The following USH2A variants were observed in gnomAD, a reference collection of about 807,000 sequenced individuals.
USH2A encodes Usher syndrome 2A (autosomal recessive, mild).
In USH2A, 443 loss-of-function variants were observed where a neutral mutation model predicts 538.9. That is an observed-to-expected ratio of 0.82 (90% CI 0.76 to 0.89). USH2A has a LOEUF of 0.89. USH2A is among the 40% of genes least tolerant of loss of function. USH2A has a pLI of 0.00. For missense variants in USH2A, 6,633 were observed against 6,324.8 expected (o/e 1.05, Z -1.65); for synonymous variants, 2,413 against 2,273.5 (o/e 1.06, Z -1.75).
At chr1:216,418,425 G>C in intron 3 of USH2A, 89 bp downstream of exon 3, 1 of 1,469,510 alleles carries the variant, frequency 6.8e-7, no homozygotes, top group Non-Finnish European at 9.4e-7. Context: ...TACTGCTGCA[G>C]ATTTTGTGAG....
chr1:216,086,698 A>G (rs982392122), intron 24 of USH2A, 21 bp downstream of exon 24: 7 of 1,558,892 alleles, frequency 4.5e-6, no homozygotes, highest in Non-Finnish European at 5.3e-6. Context: ...GACAACATAT[A>G]ATATACCTTA....
intron 2 of USH2A, among the ~76,000 whole-genome samples, chr1:216,419,951 T>C (rs1015101391): frequency 2.6e-5 from 4 of 152,250 alleles, no homozygotes; most frequent in East Asian, 3.9e-4. Context: ...ATATTTTGTA[T>C]GTATATTTGG....
intron 3 of USH2A, among the ~76,000 whole-genome samples, chr1:216,378,289 T>C: frequency 6.6e-6 from 1 of 152,164 alleles, no homozygotes; most frequent in East Asian, 1.9e-4. Context: ...TTCTGTCACA[T>C]AATACTGTTC....
At chr1:215,863,122 G>A (rs192011248) in intron 44 of USH2A, among the ~76,000 whole-genome samples, 5 of 152,226 alleles carry the variant, frequency 3.3e-5, no homozygotes, top group African/African-American at 1.2e-4. Context: ...AGTCAGTAAG[G>A]GATCATTCAC....
chr1:216,050,570 T>TC (rs1558231694), intron 30 of USH2A, among the ~76,000 whole-genome samples: 1 of 39,630 alleles, frequency 2.5e-5, no homozygotes, highest in African/African-American at 8.7e-5. Context: ...TTTTCTTTCT[T>TC]TCTTTCTTTC....
rs2032021495 is a variant in USH2A at position 216,083,604 on chromosome 1, T to C, written c.5168-18A>G. On this transcript the variant is annotated intron_variant, in intron 25 of 71. Coordinates refer to ENST00000307340, the MANE Select transcript of USH2A (RefSeq NM_206933.4). ...CAGGAACCCTTTAAAGATAAAAATA[T>C]GTACATATTAGCATGTGTAACACAA... 1 of 1,610,520 alleles carries C rather than the reference T, an allele frequency of 6.2e-7. No individual in the cohort carries two copies. Among genetic ancestry groups the C allele is most frequent in the Non-Finnish European group, 8.5e-7 (1 of 1,177,960 alleles).
chr1:216,334,598 G>A lies in USH2A; in HGVS notation c.785-6944C>T, dbSNP rs553476708. On this transcript the variant is annotated intron_variant, in intron 4 of 71. Coordinates refer to ENST00000307340, the MANE Select transcript of USH2A (RefSeq NM_206933.4). Reference sequence around the variant, plus strand: ...TCTGCAAGAGACAAACTCTACATTCGAGGAAACAAATAGATTGAATGTTCA... The same window carrying A: ...TCTGCAAGAGACAAACTCTACATTCAAGGAAACAAATAGATTGAATGTTCA... Among the ~76,000 whole-genome samples, 9 of 151,902 alleles carry A rather than the reference G, an allele frequency of 5.9e-5. No individual in the cohort carries two copies. In the South Asian group the frequency reaches 8.3e-4, roughly 14 times the overall value.
intron 20 of USH2A, among the ~76,000 whole-genome samples, chr1:216,179,243 C>CGTTT (rs2034446413): frequency 6.6e-6 from 1 of 151,930 alleles, no homozygotes; most frequent in African/African-American, 2.4e-5. Context: ...CAAAACTAAA[C>CGTTT]AAAAGGAATT....
chr1:215,705,026 A>G (rs1659146825), intron 61 of USH2A, among the ~76,000 whole-genome samples: 2 of 152,332 alleles, frequency 1.3e-5, no homozygotes, highest in South Asian at 4.1e-4. Flanking sequence ...ATTTAAATAC[A>G]TTATCTTATT....
At chr1:216,064,055 G>A (rs767554535) in intron 30 of USH2A, among the ~76,000 whole-genome samples, 1 of 152,202 alleles carries the variant, frequency 6.6e-6, no homozygotes, top group Non-Finnish European at 1.5e-5. Flanking sequence ...AACATTGTAA[G>A]GAGCACCGCC....
At chr1:215,689,046 A>G (rs1658519810) in intron 61 of USH2A, among the ~76,000 whole-genome samples, 1 of 152,186 alleles carries the variant, frequency 6.6e-6, no homozygotes, top group African/African-American at 2.4e-5. Context: ...CAAGGGAAAG[A>G]GAGGAATGAA....
At chr1:216,024,794 C>A (rs1157295401) in intron 32 of USH2A, among the ~76,000 whole-genome samples, 2 of 151,950 alleles carry the variant, frequency 1.3e-5, no homozygotes, top group African/African-American at 4.8e-5. Flanking sequence ...GAATTATACA[C>A]TGTTCTGGGT....
At chr1:215,971,647 A>G (rs1406248523) in intron 35 of USH2A, among the ~76,000 whole-genome samples, 1 of 152,138 alleles carries the variant, frequency 6.6e-6, no homozygotes, top group East Asian at 1.9e-4. Flanking sequence ...GAGGGCAAAG[A>G]GAAGAAGTTG....
At chr1:216,388,127 T>A (rs1317206561) in intron 3 of USH2A, among the ~76,000 whole-genome samples, 1 of 152,222 alleles carries the variant, frequency 6.6e-6, no homozygotes, top group African/African-American at 2.4e-5. Context: ...CAGACTTCCA[T>A]ACATTTCACT....
Position 216,284,581 on chromosome 1 carries a change from G to T in USH2A, c.1971+4699C>A, listed in dbSNP as rs2036845944. ...GAGAATGGACTAATACAATAAATCAGTACTGGGTAGTGGGGCGCTGCTGTA... is the reference window on the plus strand; with the variant it reads ...GAGAATGGACTAATACAATAAATCATTACTGGGTAGTGGGGCGCTGCTGTA... On this transcript the variant is annotated intron_variant, in intron 11 of 71. Coordinates refer to ENST00000307340, the MANE Select transcript of USH2A (RefSeq NM_206933.4). 2.0e-5 allele frequency among the ~76,000 whole-genome samples: 3 copies of T among 152,148 alleles called. No homozygotes were observed. The South Asian group carries it at 6.2e-4, about 32-fold the overall frequency.
chr1:215,674,105 A>G lies in USH2A; in HGVS notation c.13806T>C (p.Phe4602=), dbSNP rs1420306485. The part of the protein sequence containing the change: ...QSYIVNQLKP[F]HRYEIRIQAC... ...ACCGAGACATGGCTACCTACCTGTGAAATGGCTTCAGCTGGTTTACTATAT... is the reference window on the plus strand; with the variant it reads ...ACCGAGACATGGCTACCTACCTGTGGAATGGCTTCAGCTGGTTTACTATAT... Residue 4602 remains phenylalanine (F), a synonymous_variant, in exon 63 of 72, where the codon TTT becomes TTC. Transcript: ENST00000307340. 1.2e-6 allele frequency: 2 copies of G among 1,614,052 alleles called. No homozygotes were observed. The highest frequency in any genetic ancestry group is 3.3e-5 in the Admixed American group (2 of 60,012).
chr1:215,771,989 A>G (rs1288993164), intron 55 of USH2A, among the ~76,000 whole-genome samples: 1 of 152,196 alleles, frequency 6.6e-6, no homozygotes, highest in African/African-American at 2.4e-5. Flanking sequence ...TGGTTCAGAT[A>G]ATCTGTAAGA....
intron 12 of USH2A, among the ~76,000 whole-genome samples, chr1:216,247,503 C>T (rs2036076650): frequency 6.6e-6 from 1 of 152,132 alleles, no homozygotes; most frequent in African/African-American, 2.4e-5. Context: ...GTTACATATG[C>T]TGGAGCTCTT....
chr1:216,264,669 G>A (rs1006666625), intron 11 of USH2A, among the ~76,000 whole-genome samples: 13 of 151,992 alleles, frequency 8.6e-5, no homozygotes, highest in Non-Finnish European at 1.6e-4. Flanking sequence ...CTACTTAACT[G>A]CAAAATTTAC....
Sources: gnomAD v4.1 joint callset for allele counts (sites outside exome capture counted in the v4.1 genomes callset) on GRCh38, gnomAD v4.1.1 for gene constraint, MANE v1.5 for transcripts, NCBI Gene and HGNC (gene_info 2026-07-23, HGNC 2026-07-21) for gene names.